The following TTC34 variants were observed in gnomAD, a reference collection of about 807,000 sequenced individuals.
TTC34 encodes tetratricopeptide repeat domain 34, also known as tetratricopeptide repeat protein 34.
In TTC34, 44 loss-of-function variants were observed where a neutral mutation model predicts 40.7. The ratio of observed to expected loss-of-function variants is 1.08; its 90% CI spans 0.85 to 1.39. The LOEUF (loss-of-function observed/expected upper bound fraction) is 1.39. Ranked by LOEUF, TTC34 falls within the 40% of genes most tolerant of loss-of-function variation. The pLI is 0.00. For synonymous variants in TTC34, 422 were observed against 398.6 expected (o/e 1.06, Z -0.70); for missense variants, 884 against 838.0 (o/e 1.05, Z -0.68).
At chr1:2,749,410 G>A (rs1569685973) in intron 6 of TTC34, among the ~76,000 whole-genome samples, 16 of 126,808 alleles carry the variant, frequency 1.3e-4, no homozygotes, top group Non-Finnish European at 2.3e-4. Flanking sequence ...GCACCCCCAG[G>A]TGCGCACGTG....
At chr1:2,683,528 T>A (rs1189413191) in intron 6 of TTC34, among the ~76,000 whole-genome samples, 1 of 139,896 alleles carries the variant, frequency 7.1e-6, no homozygotes, top group Non-Finnish European at 1.5e-5. Context: ...GGTGAGCATC[T>A]GATGGTCTGG....
At chr1:2,754,860 C>A (rs1641453371) in intron 6 of TTC34, among the ~76,000 whole-genome samples, 2 of 111,046 alleles carry the variant, frequency 1.8e-5, no homozygotes, top group Non-Finnish European at 1.7e-5. Flanking sequence ...CACCCACATG[C>A]CCAGCTGAGC....
At chr1:2,673,239 C>G (rs1639765322) in intron 6 of TTC34, among the ~76,000 whole-genome samples, 6 of 76,558 alleles carry the variant, frequency 7.8e-5, no homozygotes, top group African/African-American at 2.0e-4. Flanking sequence ...GCCACACCCC[C>G]AGGCGAGCAT....
chr1:2,790,478 C>T, intron 2 of TTC34, 132 bp from the exon 3 acceptor site: 1 of 397,402 alleles, frequency 2.5e-6, no homozygotes. Context: ...GCATCTCCCT[C>T]CAGTCTCCAG....
chr1:2,787,242 G>A (rs957725306), intron 4 of TTC34, among the ~76,000 whole-genome samples: 6 of 152,176 alleles, frequency 3.9e-5, no homozygotes, highest in Admixed American at 6.5e-5. Flanking sequence ...GGAAACTGCC[G>A]GCCCCGGGGA....
intron 6 of TTC34, among the ~76,000 whole-genome samples, chr1:2,695,107 C>G (rs1453706735): frequency 7.4e-6 from 1 of 135,146 alleles, no homozygotes; most frequent in Admixed American, 7.3e-5. Context: ...TGGAACAGCA[C>G]CCATACGCCA....
At chr1:2,791,175 G>A (rs1422023640) in intron 2 of TTC34, among the ~76,000 whole-genome samples, 1 of 152,062 alleles carries the variant, frequency 6.6e-6, no homozygotes, top group East Asian at 1.9e-4. Flanking sequence ...ACGTGAATGG[G>A]GCTTTCTGAC....
chr1:2,651,067 A>AC (rs1486270293), intron 6 of TTC34, among the ~76,000 whole-genome samples: 1 of 149,312 alleles, frequency 6.7e-6, no homozygotes, highest in Non-Finnish European at 1.5e-5. Context: ...GGTATGTCAC[A>AC]CCCCCAGGTA....
intron 1 of TTC34, 52 bp from the exon 2 acceptor site, chr1:2,800,920 C>A (rs1009832718): frequency 2.3e-5 from 9 of 398,230 alleles, no homozygotes; most frequent in Non-Finnish European, 3.5e-5. Flanking sequence ...GTTCTCCTGC[C>A]CTGTGGCCAC....
chr1:2,696,880 C>T (rs537485505), intron 6 of TTC34, among the ~76,000 whole-genome samples: 1 of 43,116 alleles, frequency 2.3e-5, no homozygotes, highest in South Asian at 1.9e-3. Flanking sequence ...AGCACCCACA[C>T]CCCCAGATGC....
intron 6 of TTC34, among the ~76,000 whole-genome samples, chr1:2,683,309 AC>A (rs1557606282): frequency 1.4e-5 from 2 of 144,034 alleles, no homozygotes; most frequent in South Asian, 2.3e-4. Flanking sequence ...CAGAATCCAC[AC>A]CCCCAGGTGA....
chr1:2,694,904 A>G (rs1156393748), intron 6 of TTC34, among the ~76,000 whole-genome samples: 1 of 112,670 alleles, frequency 8.9e-6, no homozygotes, highest in African/African-American at 3.3e-5. Context: ...CTGGAACAGC[A>G]CCCACACACT....
chr1:2,687,991 G>C (rs1640443157), intron 6 of TTC34, among the ~76,000 whole-genome samples: 2 of 96,260 alleles, frequency 2.1e-5, no homozygotes, highest in African/African-American at 7.6e-5. Flanking sequence ...CTGACAGCCT[G>C]GAACAGGACC....
chr1:2,755,308 A>G (rs1338445117), intron 6 of TTC34, among the ~76,000 whole-genome samples: 9 of 26,856 alleles, frequency 3.4e-4, no homozygotes, highest in East Asian at 1.8e-3. Flanking sequence ...ACACTCCCAG[A>G]CGAGCATCGG....
chr1:2,643,216 A>C (rs879528009), intron 8 of TTC34, among the ~76,000 whole-genome samples: 29 of 152,070 alleles, frequency 1.9e-4, no homozygotes, highest in Admixed American at 3.3e-4. Context: ...TGCCACCCGG[A>C]GGGGGCCGCC....
At chr1:2,780,376 G>A (rs895870232) in intron 6 of TTC34, among the ~76,000 whole-genome samples, 11 of 152,190 alleles carry the variant, frequency 7.2e-5, no homozygotes, top group South Asian at 2.1e-4. Context: ...ATCCAGTGTC[G>A]TGAAGCTTCT....
At chr1:2,760,108 A>T (rs1641647245) in intron 6 of TTC34, among the ~76,000 whole-genome samples, 1 of 108,214 alleles carries the variant, frequency 9.2e-6, no homozygotes, top group Non-Finnish European at 1.8e-5. Flanking sequence ...GATAGTGTGG[A>T]GCAGCACCCA....
At chr1:2,641,827 C>T (rs192580494) in exon 9 of TTC34, 155 of 1,531,482 alleles carry the variant, frequency 1.0e-4, no homozygotes, top group East Asian at 9.3e-4. Flanking sequence ...GGACAGACAG[C>T]GAACAGTAGC....
At chr1:2,688,461 CA>C (rs1640475386) in intron 6 of TTC34, among the ~76,000 whole-genome samples, 1 of 130,104 alleles carries the variant, frequency 7.7e-6, no homozygotes, top group Non-Finnish European at 1.5e-5. Flanking sequence ...CCTAGGTGAA[CA>C]TCCGACATTG....
Sources: gnomAD v4.1 joint callset for allele counts (sites outside exome capture counted in the v4.1 genomes callset) on GRCh38, gnomAD v4.1.1 for gene constraint, MANE v1.5 for transcripts, NCBI Gene and HGNC (gene_info 2026-07-23, HGNC 2026-07-21) for gene names.